ERG: variants seen among roughly 807,000 people sequenced by gnomAD.
ERG encodes the protein transcriptional regulator ERG.
Under a neutral mutation model 55.3 loss-of-function variants are expected in ERG, and 9 were observed. The observed-to-expected ratio is 0.16, with a 90% CI of 0.10 to 0.28. The LOEUF (loss-of-function observed/expected upper bound fraction) is 0.28, where lower values mean the gene tolerates loss of function less well. Ranked by LOEUF, ERG falls within the 10% of genes least tolerant of loss-of-function variation. The probability of loss-of-function intolerance (pLI) is 1.00; values close to 1 mark genes in which losing one functional copy is unlikely to be tolerated. For synonymous variants in ERG, 223 were observed against 237.3 expected, an observed-to-expected ratio of 0.94 and a Z score of 0.55; for missense variants, 434 against 631.6, an observed-to-expected ratio of 0.69 and a Z score of 3.35.
intron 1 of ERG, among the ~76,000 whole-genome samples, chr21:38,638,271 G>A (rs1238884233): frequency 6.6e-6 from 1 of 152,206 alleles, no homozygotes. Flanking sequence ...GTTGTTGTGA[G>A]GATTTGGGGA....
At chr21:38,402,144 T>C (rs1988524841) in intron 5 of ERG, among the ~76,000 whole-genome samples, 1 of 152,192 alleles carries the variant, frequency 6.6e-6, no homozygotes, top group Non-Finnish European at 1.5e-5. Flanking sequence ...TAGCAAATAT[T>C]TCTTTAAGAA....
At position 38,383,422 on chromosome 21, in the gene ERG, T is replaced by G; in HGVS notation, c.1421A>C (p.His474Pro). The change falls in exon 10 of 10, where the codon CAT becomes CCT. Residue 474 changes from histidine to proline, a missense_variant. This residue lies in a region of ERG where 107 missense variants were observed against 126.8 expected (regional missense o/e 0.84). Transcript: ENST00000288319. This position sits in a 1 kb window ranked among gnomAD's most constrained non-coding sequence, Gnocchi z 5.7. ...TRLPTSHMPS[H>P]LGTYY ...AGGTCTTTAGTAGTAAGTGCCCAGA[T>G]GAGAAGGCATATGGCTGGTGGGGAG... 9 of 1,510,216 alleles carry G rather than the reference T, an allele frequency of 6.0e-6. No individual in the cohort carries two copies. The highest frequency in any genetic ancestry group is 7.1e-6 in the Non-Finnish European group (8 of 1,129,234). 93.6% of individuals were successfully genotyped at this position (1,510,216 alleles called of 1,614,324 possible).
chr21:38,567,635 C>T (rs2059931148), intron 2 of ERG, among the ~76,000 whole-genome samples: 1 of 152,178 alleles, frequency 6.6e-6, no homozygotes, highest in African/African-American at 2.4e-5. Context: ...AAACTTTCAC[C>T]TTCCTGTGAA....
intron 3 of ERG, among the ~76,000 whole-genome samples, chr21:38,419,699 A>G (rs554062302): frequency 6.6e-6 from 1 of 152,312 alleles, no homozygotes; most frequent in African/African-American, 2.4e-5. Context: ...TAAATATATC[A>G]AGTGACAGTC....
intron 2 of ERG, among the ~76,000 whole-genome samples, chr21:38,424,187 G>GTCTCTCTCTCTCTCTCT (rs1569087250): frequency 1.6e-4 from 18 of 110,154 alleles, no homozygotes; most frequent in South Asian, 2.9e-4. Flanking sequence ...CAGAGCTCGA[G>GTCTCTCTCTCTCTCTCT]CTCTCTCTCT....
At chr21:38,571,398 C>T (rs2059956824) in intron 2 of ERG, among the ~76,000 whole-genome samples, 1 of 151,924 alleles carries the variant, frequency 6.6e-6, no homozygotes, top group Non-Finnish European at 1.5e-5. Context: ...GTAGTCCCAG[C>T]TACTCAGGAG....
intron 1 of ERG, among the ~76,000 whole-genome samples, chr21:38,584,258 T>C (rs555302712): frequency 3.2e-4 from 48 of 152,340 alleles, no homozygotes; most frequent in African/African-American, 1.1e-3. Flanking sequence ...AGCCCTAGCA[T>C]TCCAGCTGGC....
chr21:38,380,507 G>A lies in ERG; in HGVS notation c.*2896C>T, dbSNP rs940284843. 1 of 1,065,558 alleles carries A rather than the reference G, an allele frequency of 9.4e-7. No individual in the cohort carries two copies. Among genetic ancestry groups the A allele is most frequent in the African/African-American group, 1.6e-5 (1 of 61,086 alleles). 66.0% of individuals were successfully genotyped at this position (1,065,558 alleles called of 1,614,324 possible). A position where few individuals can be genotyped will look rare whatever the true frequency, so the allele number is the denominator to read the frequency against. On this transcript the variant is annotated 3_prime_UTR_variant, in exon 10 of 10. Transcript: ENST00000288319. ...AAGAAGACAAATCTCTTGCCAGCAG[G>A]AGTAAGATTGTACAGGAGTCTGAGT...
intron 6 of ERG, among the ~76,000 whole-genome samples, chr21:38,397,596 C>CAAAAAAAAAA (rs61047146): frequency 3.0e-5 from 2 of 67,160 alleles, no homozygotes; most frequent in African/African-American, 7.1e-5. Flanking sequence ...GACTCCATCT[C>CAAAAAAAAAA]AAAAAAAAAA....
intron 1 of ERG, among the ~76,000 whole-genome samples, chr21:38,467,961 G>A (rs779324636): frequency 9.9e-5 from 15 of 152,180 alleles, no homozygotes; most frequent in Non-Finnish European, 1.6e-4. Flanking sequence ...TACCCATTCT[G>A]GGAGATATGT....
the ERG span, chr21:38,367,548 CAA>C: frequency 2.1e-6 from 1 of 475,068 alleles, no homozygotes; most frequent in Admixed American, 2.8e-5. Flanking sequence ...ATAAGTGATG[CAA>C]AGAGAAGGCC....
At chr21:38,386,274 A>G (rs1987687835) in intron 9 of ERG, among the ~76,000 whole-genome samples, 1 of 152,240 alleles carries the variant, frequency 6.6e-6, no homozygotes, top group African/African-American at 2.4e-5. Flanking sequence ...TAGAAATAAG[A>G]GAACTGTAAG....
At chr21:38,623,458 G>A (rs973433478) in intron 1 of ERG, among the ~76,000 whole-genome samples, 1 of 152,114 alleles carries the variant, frequency 6.6e-6, no homozygotes, top group East Asian at 1.9e-4. Context: ...GAGCAGACTG[G>A]CCAAATTTAA....
At chr21:38,494,415 C>T (rs753386854) in intron 1 of ERG, among the ~76,000 whole-genome samples, 3 of 152,222 alleles carry the variant, frequency 2.0e-5, no homozygotes, top group Non-Finnish European at 2.9e-5. Context: ...TCTTATGTAT[C>T]AGCTGTTAAA....
rs184923681 is a variant in ERG, at chr21:38,602,704, T to C, written c.-149-17759A>G. Among the ~76,000 whole-genome samples, 195 of 152,046 alleles carry C rather than the reference T, an allele frequency of 1.3e-3. No homozygotes were observed. The Middle Eastern group carries it at 0.024, about 19-fold the overall frequency. Reference sequence around the variant, plus strand: ...ATACATTCATTTGTGGGCTTTGTGATTTTTTTCCCTCTCAAGCCATTTTGA... The same window carrying C: ...ATACATTCATTTGTGGGCTTTGTGACTTTTTTCCCTCTCAAGCCATTTTGA... On this transcript the variant is annotated intron_variant, in intron 1 of 10. Transcript: ENST00000398910.
intron 2 of ERG, among the ~76,000 whole-genome samples, chr21:38,519,747 G>A (rs1231201027): frequency 6.6e-6 from 1 of 152,140 alleles, no homozygotes; most frequent in African/African-American, 2.4e-5. Flanking sequence ...AGAGATGTGT[G>A]TATATGTGCA....
Position 38,521,072 on chromosome 21 carries a change from G to A in ERG, c.-41+54590C>T, listed in dbSNP as rs963252516. ...AAGATTAAAGCTGAACCTTCAGCCT[G>A]CCCATCACTTAGAAGCCCAGCAGGG... On this transcript the variant is annotated intron_variant, in intron 2 of 8. Transcript: ENST00000398897. 2.3e-4 allele frequency among the ~76,000 whole-genome samples: 35 copies of A among 152,226 alleles called. 1 individual carries two copies. Among genetic ancestry groups the A allele is most frequent in the Admixed American group, 2.2e-3 (34 of 15,286 alleles).
chr21:38,537,631 G>A (rs918400884), intron 2 of ERG, among the ~76,000 whole-genome samples: 5 of 152,006 alleles, frequency 3.3e-5, no homozygotes, highest in South Asian at 2.1e-4. Flanking sequence ...GAAATACTTC[G>A]TAGCCATTAG....
At chr21:38,427,294 C>T (rs1989877054) in intron 2 of ERG, among the ~76,000 whole-genome samples, 1 of 152,178 alleles carries the variant, frequency 6.6e-6, no homozygotes, top group African/African-American at 2.4e-5. Flanking sequence ...AGGCTGGTCT[C>T]GAACTCCTGA....
Sources: gnomAD v4.1 joint callset for allele counts (sites outside exome capture counted in the v4.1 genomes callset) on GRCh38, gnomAD v4.1.1 for gene constraint, gnomAD v4.1.1 regional missense constraint, Gnocchi (gnomAD v3.1) non-coding constraint, MANE v1.5 for transcripts, NCBI Gene and HGNC (gene_info 2026-07-23, HGNC 2026-07-21) for gene names.